ARHGAP23: variants seen among roughly 807,000 people sequenced by gnomAD.
The protein encoded by ARHGAP23 is rho GTPase-activating protein 23.
A neutral mutation model predicts 136.3 loss-of-function variants in ARHGAP23; 34 were observed. That is an observed-to-expected ratio of 0.25 (90% confidence interval 0.19 to 0.33). The LOEUF is 0.33. ARHGAP23 is among the 10% of genes least tolerant of loss of function. The pLI, the probability that ARHGAP23 is intolerant of heterozygous loss-of-function variation, is 1.00. For missense variants in ARHGAP23, 1,808 were observed against 2,139.0 expected (o/e 0.85, Z 3.05); for synonymous variants, 832 against 920.5 (o/e 0.90, Z 1.74).
chr17:38,429,838 G>A (rs1010420072), intron 1 of ARHGAP23, among the ~76,000 whole-genome samples: 1 of 152,092 alleles, frequency 6.6e-6, no homozygotes, highest in African/African-American at 2.4e-5. Context: ...GGCCTAGCTG[G>A]GGGTGAGTGG....
chr17:38,464,986 CGAGA>C (rs922256374), intron 6 of ARHGAP23, among the ~76,000 whole-genome samples: 2 of 151,966 alleles, frequency 1.3e-5, no homozygotes, highest in African/African-American at 4.8e-5. Flanking sequence ...GCCAGCCAGC[CGAGA>C]GAGAGTCGGG....
chr17:38,438,795 C>A (rs570553023), intron 1 of ARHGAP23, among the ~76,000 whole-genome samples: 1 of 151,960 alleles, frequency 6.6e-6, no homozygotes, highest in African/African-American at 2.4e-5. Flanking sequence ...ACCAGCCTGA[C>A]CAACATGGAG....
intron 1 of ARHGAP23, among the ~76,000 whole-genome samples, chr17:38,433,749 G>A (rs539547485): frequency 7.9e-5 from 12 of 152,306 alleles, no homozygotes; most frequent in Non-Finnish European, 1.6e-4. Context: ...GCTCCCCAGA[G>A]GATAGGTAGT....
chr17:38,436,047 G>C (rs2038789083), intron 1 of ARHGAP23, among the ~76,000 whole-genome samples: 1 of 152,200 alleles, frequency 6.6e-6, no homozygotes, highest in Non-Finnish European at 1.5e-5. Context: ...TCACAGAGCT[G>C]AGCTTCATTA....
intron 17 of ARHGAP23, among the ~76,000 whole-genome samples, chr17:38,489,410 C>A (rs1371252788): frequency 1.7e-5 from 2 of 117,892 alleles, no homozygotes; most frequent in Non-Finnish European, 3.2e-5. Context: ...TCTGTTGAGG[C>A]CCCCATCCTT....
At chr17:38,499,075 T>TA in intron 22 of ARHGAP23, 1 of 664,218 alleles carries the variant, frequency 1.5e-6, no homozygotes. Context: ...ACATGCCAGT[T>TA]ACCCCTGCCT....
intron 6 of ARHGAP23, 116 bp from the exon 7 acceptor site, chr17:38,466,051 C>T (rs974289226): frequency 3.4e-5 from 27 of 801,760 alleles, no homozygotes; most frequent in South Asian, 2.8e-4. Flanking sequence ...TTCCCCCCAC[C>T]GCTTGGTCCT....
At chr17:38,489,118 A>G (rs2040217593) in intron 17 of ARHGAP23, among the ~76,000 whole-genome samples, 1 of 152,064 alleles carries the variant, frequency 6.6e-6, no homozygotes, top group South Asian at 2.1e-4. Context: ...TCAAGTGATC[A>G]GCTGATGCGC....
chr17:38,436,646 C>A (rs926252968), intron 1 of ARHGAP23, among the ~76,000 whole-genome samples: 1 of 152,196 alleles, frequency 6.6e-6, no homozygotes, highest in Admixed American at 6.5e-5. Flanking sequence ...CTTTTCCTAC[C>A]GCCCAAAAGC....
At chr17:38,491,300 A>G in intron 19 of ARHGAP23, 107 bp from the exon 20 acceptor site, 1 of 1,447,552 alleles carries the variant, frequency 6.9e-7, no homozygotes, top group Non-Finnish European at 9.4e-7. Context: ...CCACCCTCTA[A>G]GCTGGGGACT....
intron 1 of ARHGAP23, among the ~76,000 whole-genome samples, chr17:38,442,726 C>T (rs565228568): frequency 2.8e-4 from 43 of 152,346 alleles, no homozygotes; most frequent in African/African-American, 9.9e-4. Context: ...GGAAGGGTGC[C>T]TGGTCCTCAC....
intron 1 of ARHGAP23, among the ~76,000 whole-genome samples, chr17:38,420,857 T>G (rs888151254): frequency 1.3e-5 from 2 of 151,926 alleles, no homozygotes; most frequent in African/African-American, 4.8e-5. Context: ...GAGGGAAGAG[T>G]AGTAAATGCC....
intron 1 of ARHGAP23, chr17:38,451,508 C>G (rs930005237): frequency 6.6e-6 from 1 of 152,316 alleles, no homozygotes; most frequent in African/African-American, 2.4e-5. Flanking sequence ...CACAGCAGCA[C>G]CTGTTGGCCA....
intron 3 of ARHGAP23, 97 bp from the exon 4 acceptor site, chr17:38,462,749 G>A: frequency 1.1e-6 from 1 of 873,834 alleles, no homozygotes; most frequent in African/African-American, 1.7e-5. Context: ...CCGGACGAGT[G>A]CAATCATTCT....
At chr17:38,426,572 A>AAAAAAAAAAAAAAAAAAAAAAAAG (rs1567767218), upstream of ARHGAP23, among the ~76,000 whole-genome samples, 1 of 149,280 alleles carries the variant, frequency 6.7e-6, no homozygotes, top group African/African-American at 2.5e-5. Flanking sequence ...AAAAAAAAAA[A>AAAAAAAAAAAAAAAAAAAAAAAAG]TCCAGGCAGT....
chr17:38,495,629 GTCAGA>G (rs2040375516), intron 20 of ARHGAP23, among the ~76,000 whole-genome samples: 1 of 152,076 alleles, frequency 6.6e-6, no homozygotes, highest in South Asian at 2.1e-4. Flanking sequence ...TTAATCACAT[GTCAGA>G]TCATGAGCGA....
intron 20 of ARHGAP23, among the ~76,000 whole-genome samples, chr17:38,493,358 T>A (rs2040321518): frequency 6.6e-6 from 1 of 152,058 alleles, no homozygotes; most frequent in African/African-American, 2.4e-5. Flanking sequence ...ACCTGGCTAA[T>A]TTTTGTATTC....
intron 1 of ARHGAP23, among the ~76,000 whole-genome samples, chr17:38,454,561 G>A (rs780746054): frequency 4.6e-5 from 7 of 152,136 alleles, no homozygotes; most frequent in Non-Finnish European, 8.8e-5. Flanking sequence ...CCCCTGGTAG[G>A]GGACCTGGAC....
chr17:38,440,947 C>T (rs550328853), intron 1 of ARHGAP23, among the ~76,000 whole-genome samples: 2 of 152,340 alleles, frequency 1.3e-5, no homozygotes, highest in East Asian at 1.9e-4. Flanking sequence ...CTTTAGAGGC[C>T]TCCAGAGGCT....
Sources: allele counts gnomAD v4.1 joint callset (sites outside exome capture counted in the v4.1 genomes callset), GRCh38; gene constraint gnomAD v4.1.1; transcripts MANE v1.5; gene names NCBI Gene and HGNC (gene_info 2026-07-23, HGNC 2026-07-21).